The following SIGLEC6 variants were observed in gnomAD, a reference collection of about 807,000 sequenced individuals.
The protein encoded by SIGLEC6 is sialic acid-binding Ig-like lectin 6.
In SIGLEC6, 31 loss-of-function variants were observed where a neutral mutation model predicts 41.4. The observed-to-expected ratio is 0.75, with a 90% CI of 0.56 to 1.01. SIGLEC6 has a LOEUF of 1.01. Ranked by LOEUF, SIGLEC6 falls within the 50% of genes least tolerant of loss-of-function variation. The pLI, the probability that SIGLEC6 is intolerant of heterozygous loss-of-function variation, is 0.00. For synonymous variants in SIGLEC6, 217 were observed against 231.0 expected, an observed-to-expected ratio of 0.94 and a Z score of 0.55; for missense variants, 555 against 558.6, an observed-to-expected ratio of 0.99 and a Z score of 0.06.
rs199951067 is a variant in SIGLEC6, at chr19:51,530,909, G to A, written c.478C>T (p.His160Tyr). The A allele has an allele frequency of 1.2e-6, 2 of 1,613,458 alleles. No individual in the cohort carries two copies. Among genetic ancestry groups the A allele is most frequent in the Admixed American group, 3.3e-5 (2 of 60,014 alleles). The change falls in exon 3 of 8, where the codon CAT becomes TAT. Residue 160 changes from histidine (H) to tyrosine (Y), a missense_variant. Transcript: ENST00000425629. ...ACAGAGCAGGTCAGATTGCTGGGAT[G>A]GCCAGACTCCAGGGTCCCTGGGATG... ...ISIPGTLESG[H>Y]PSNLTCSVPW...
At chr19:51,521,146 C>A (rs1019873914) in intron 7 of SIGLEC6, among the ~76,000 whole-genome samples, 2 of 152,168 alleles carry the variant, frequency 1.3e-5, no homozygotes, top group South Asian at 2.1e-4. Context: ...GGCCACCGGA[C>A]GCCCTCTCCT....
Position 51,519,796 on chromosome 19 carries a change from G to T in SIGLEC6, c.*286C>A. 1 of 191,792 alleles carries T rather than the reference G, an allele frequency of 5.2e-6. No homozygotes were observed. The highest frequency in any genetic ancestry group is 1.1e-5 in the Non-Finnish European group (1 of 94,396). 11.9% of individuals were successfully genotyped at this position (191,792 alleles called of 1,614,324 possible). A position where few individuals can be genotyped will look rare whatever the true frequency, so the allele number is the denominator to read the frequency against. On this transcript the variant is annotated 3_prime_UTR_variant, in exon 8 of 8. Transcript: ENST00000425629. ...GGGAGGCCCTAATCCAATATGACTA[G>T]TGTCTTTATAAGAAGAGAAGATTAG...
At chr19:51,528,104 C>T in intron 6 of SIGLEC6, 56 bp downstream of exon 6, 6 of 1,488,904 alleles carry the variant, frequency 4.0e-6, no homozygotes, top group Non-Finnish European at 5.6e-6. Context: ...GATTCTGCCA[C>T]CTGTGTGCCC....
intron 7 of SIGLEC6, 95 bp downstream of exon 7, chr19:51,527,652 G>T: frequency 1.0e-6 from 1 of 976,748 alleles, no homozygotes; most frequent in Non-Finnish European, 1.6e-6. Context: ...CGCAGGGAAT[G>T]TCAGGTGTTA....
rs1386053508 is a variant in SIGLEC6 at position 51,531,278 on chromosome 19, G to C, written c.309C>G (p.Asn103Lys). 1 of 1,614,074 alleles carries C rather than the reference G, an allele frequency of 6.2e-7. No individual in the cohort carries two copies. The highest frequency in any genetic ancestry group is 1.3e-5 in the African/African-American group (1 of 74,926). Residue 103 changes from asparagine (N) to lysine (K), a missense_variant, in exon 2 of 8, where the codon AAC (asparagine) becomes AAG (lysine). Physicochemically the swap from Asn to Lys is moderately conservative, Grantham distance 94. Transcript: ENST00000425629. Reference protein sequence around the residue: ...FHLLWDPRRKNCSLSIRDARR... With the variant: ...FHLLWDPRRKKCSLSIRDARR... ...GGGCATCTCTGATGCTCAGGGAGCA[G>C]TTCTTCCTTCTGGGATCCCAGAGGA...
rs1347635315 is a variant in SIGLEC6, at chr19:51,519,208, T to G, written c.*874A>C. Reference sequence around the variant, plus strand: ...TACTTGGGAGGCTGAGGCAGGAGAATGGTGTGAACCCAGGGGGCGAAGCTT... The same window carrying G: ...TACTTGGGAGGCTGAGGCAGGAGAAGGGTGTGAACCCAGGGGGCGAAGCTT... On this transcript the variant is annotated 3_prime_UTR_variant, in exon 8 of 8. Transcript: ENST00000425629. Among the ~76,000 whole-genome samples, 1 of 144,200 alleles carries G rather than the reference T, an allele frequency of 6.9e-6. No homozygotes were observed. Among genetic ancestry groups the G allele is most frequent in the South Asian group, 2.2e-4 (1 of 4,650 alleles). The allele number at this position is 144,200 out of a possible 152,430, so 94.6% of individuals were successfully genotyped here. A position where few individuals can be genotyped will look rare whatever the true frequency, so the allele number is the denominator to read the frequency against.
intron 7 of SIGLEC6, among the ~76,000 whole-genome samples, chr19:51,522,132 A>C (rs1489960448): frequency 6.6e-6 from 1 of 152,254 alleles, no homozygotes; most frequent in Non-Finnish European, 1.5e-5. Context: ...GTATGCACAG[A>C]GTGAAAGGCT....
Position 51,531,429 on chromosome 19 carries a change from A to G in SIGLEC6, c.158T>C (p.Leu53Ser), listed in dbSNP as rs748548865. The change falls in exon 2 of 8, where the codon TTG becomes TCG. Residue 53 changes from leucine to serine, a missense_variant. Physicochemically the swap from Leu to Ser is moderately radical, Grantham distance 145. Transcript: ENST00000425629. ...GTACGAGGCTGGAAGGGTAGTGGGCAATCTGCAGGGTACGAGGACGCACAG... is the reference window on the plus strand; with the variant it reads ...GTACGAGGCTGGAAGGGTAGTGGGCGATCTGCAGGGTACGAGGACGCACAG... The part of the protein sequence containing the change: ...EGLCVLVPCR[L>S]PTTLPASYYG... 30 of 1,614,098 alleles carry G rather than the reference A, an allele frequency of 1.9e-5. No individual in the cohort carries two copies. The highest frequency in any genetic ancestry group is 2.5e-5 in the Non-Finnish European group (30 of 1,179,996).
At position 51,517,996 on chromosome 19, in the gene SIGLEC6, G is replaced by A. The variant is rs4802801; in HGVS notation, c.*2086C>T. Among the ~76,000 whole-genome samples, 1 of 151,374 alleles carries A rather than the reference G, an allele frequency of 6.6e-6. No individual in the cohort carries two copies. Among genetic ancestry groups the A allele is most frequent in the African/African-American group, 2.4e-5 (1 of 41,186 alleles). On this transcript the variant is annotated 3_prime_UTR_variant, in exon 8 of 8. Coordinates refer to ENST00000425629, the MANE Select transcript of SIGLEC6 (RefSeq NM_001245.7). ...CTACAAACCATCATTTTTACAACAA[G>A]TATTTGTTTCATTTTGCTCACATAT...
At chr19:51,524,581 T>C (rs1220622625) in intron 7 of SIGLEC6, among the ~76,000 whole-genome samples, 1 of 152,202 alleles carries the variant, frequency 6.6e-6, no homozygotes, top group Admixed American at 6.5e-5. Context: ...AAATACTACA[T>C]CCAGTATCTT....
intron 7 of SIGLEC6, 37 bp from the exon 8 acceptor site, chr19:51,520,292 A>G (rs758163539): frequency 1.2e-5 from 17 of 1,468,198 alleles, no homozygotes; most frequent in Non-Finnish European, 1.6e-5. Flanking sequence ...GGGCTGGACA[A>G]TAGGTTCTCA....
chr19:51,527,771 G>A lies in SIGLEC6; in HGVS notation c.1164C>T (p.Asn388=), dbSNP rs1979485232. The change falls in exon 7 of 8, where the codon AAC becomes AAT. Residue 388 remains asparagine (N), a synonymous_variant. Coordinates refer to ENST00000425629, the MANE Select transcript of SIGLEC6 (RefSeq NM_001245.7). The part of the protein sequence containing the change: ...AQPVQNTDDV[N]PVMVSGSRGH... The stretch of plus-strand genomic sequence containing the variant: ...CCCTGGAGCCTGAGACCATGACGGG[G>A]TTCACATCATCCGTGTTTTGCACTG... 1.1e-5 allele frequency: 18 copies of A among 1,613,996 alleles called. No homozygotes were observed. Among genetic ancestry groups the A allele is most frequent in the Non-Finnish European group, 1.4e-5 (17 of 1,179,970 alleles).
In SIGLEC6 at chr19:51,520,014, C is replaced by G. The variant is rs879154310; in HGVS notation, c.*68G>C. On this transcript the variant is annotated 3_prime_UTR_variant, in exon 8 of 8. Coordinates refer to ENST00000425629, the MANE Select transcript of SIGLEC6 (RefSeq NM_001245.7). The stretch of plus-strand genomic sequence containing the variant: ...GGTTTGTGGTACATTGCTGTGGCAG[C>G]CCTAGTAACCAATACACTGAGAGGT... 127 of 1,321,018 alleles carry G rather than the reference C, an allele frequency of 9.6e-5. No individual in the cohort carries two copies. Among genetic ancestry groups the G allele is most frequent in the East Asian group, 2.4e-5 (1 of 40,844 alleles). The allele number at this position is 1,321,018 out of a possible 1,614,324, so 81.8% of individuals were successfully genotyped here. A position where few individuals can be genotyped will look rare whatever the true frequency, so the allele number is the denominator to read the frequency against.
Position 51,527,729 on chromosome 19 carries a change from A to G in SIGLEC6, c.1188+18T>C. 1.9e-6 allele frequency: 3 copies of G among 1,611,700 alleles called. No homozygotes were observed. Among genetic ancestry groups the G allele is most frequent in the Non-Finnish European group, 2.5e-6 (3 of 1,178,060 alleles). ...AAAGGGATAATGCTGAATGGAAATTAAGGTCTCTGTCACTCACCCTGGAGC... is the reference window on the plus strand; with the variant it reads ...AAAGGGATAATGCTGAATGGAAATTGAGGTCTCTGTCACTCACCCTGGAGC... On this transcript the variant is annotated intron_variant, in intron 7 of 7. Transcript: ENST00000425629.
chr19:51,530,538 T>C (rs765099876), intron 3 of SIGLEC6, 54 bp from the exon 4 acceptor site: 3 of 1,611,016 alleles, frequency 1.9e-6, no homozygotes, highest in Non-Finnish European at 2.5e-6. Context: ...ATGGTAGGCA[T>C]GGGGCCTTCC....
intron 7 of SIGLEC6, among the ~76,000 whole-genome samples, chr19:51,523,344 T>C (rs1978617716): frequency 6.6e-6 from 1 of 151,950 alleles, no homozygotes; most frequent in African/African-American, 2.4e-5. Flanking sequence ...TGTGGGACAA[T>C]ATCAAGCATT....
At chr19:51,521,737 C>G (rs545113944) in intron 7 of SIGLEC6, among the ~76,000 whole-genome samples, 200 of 152,220 alleles carry the variant, frequency 1.3e-3, no homozygotes, top group African/African-American at 4.6e-3. Context: ...GGAATCATGA[C>G]TTGAATTATT....
In SIGLEC6 at chr19:51,518,925, G is replaced by A. The variant is rs1990703817; in HGVS notation, c.*1157C>T. Among the ~76,000 whole-genome samples the A allele has an allele frequency of 6.6e-6, 1 of 152,150 alleles. No individual in the cohort carries two copies. Among genetic ancestry groups the A allele is most frequent in the African/African-American group, 2.4e-5 (1 of 41,422 alleles). On this transcript the variant is annotated 3_prime_UTR_variant, in exon 8 of 8. Coordinates refer to ENST00000425629, the MANE Select transcript of SIGLEC6 (RefSeq NM_001245.7). ...AGAGTTCTGAACAGGGGGTGACACAGACACCTGGTGCTGTGGCCTCTGGGC... is the reference window on the plus strand; with the variant it reads ...AGAGTTCTGAACAGGGGGTGACACAAACACCTGGTGCTGTGGCCTCTGGGC...
In SIGLEC6 at chr19:51,531,150, G is replaced by C; in HGVS notation, c.427+10C>G. On this transcript the variant is annotated intron_variant, in intron 2 of 7. Transcript: ENST00000425629. ...TTCCCCTGTGGCTAGTCCTGGAGCT[G>C]GTTCCTTACCCATCACACGCACAGA... 6.4e-7 allele frequency: 1 copy of C among 1,573,926 alleles called. No homozygotes were observed. Among genetic ancestry groups the C allele is most frequent in the Admixed American group, 1.8e-5 (1 of 57,010 alleles).
Sources: gnomAD v4.1 joint callset for allele counts (sites outside exome capture counted in the v4.1 genomes callset) on GRCh38, gnomAD v4.1.1 for gene constraint, MANE v1.5 for transcripts, NCBI Gene and HGNC (gene_info 2026-07-23, HGNC 2026-07-21) for gene names.